Variants in OR4K14 observed in about 807,000 individuals in gnomAD.
OR4K14 encodes the protein olfactory receptor 4K14.
For synonymous variants in OR4K14, 153 were observed against 141.5 expected (o/e 1.08, Z -0.58); for missense variants, 406 against 373.6 (o/e 1.09, Z -0.72).
In OR4K14 at chr14:20,014,508, C is replaced by T. The variant is rs575064126; in HGVS notation, c.686G>A (p.Arg229His). The change falls in exon 2 of 2, where the codon CGT (arginine) becomes CAT (histidine). Residue 229 changes from arginine (R) to histidine (H), a missense_variant. Arg to His is a conservative substitution (Grantham distance 29, BLOSUM62 0). Coordinates refer to ENST00000641793, the MANE Select transcript of OR4K14 (RefSeq NM_001004712.2). ...YTVILLAIRQ[R>H]AAGSTSKALS... ...TGCTTTGGATGTGCTACCGGCAGCACGCTGTCTGATAGCGAGGAGGATCAC... is the reference window on the plus strand; with the variant it reads ...TGCTTTGGATGTGCTACCGGCAGCATGCTGTCTGATAGCGAGGAGGATCAC... 76 of 1,613,988 alleles carry T rather than the reference C, an allele frequency of 4.7e-5. No homozygotes were observed. The highest frequency in any genetic ancestry group is 9.9e-5 in the South Asian group (9 of 91,062).
chr14:20,015,111 A>G lies in OR4K14; in HGVS notation c.83T>C (p.Phe28Ser), dbSNP rs757101621. 6.2e-7 allele frequency: 1 copy of G among 1,613,950 alleles called. No homozygotes were observed. The highest frequency in any genetic ancestry group is 8.5e-7 in the Non-Finnish European group (1 of 1,179,884). The change falls in exon 2 of 2, where the codon TTT becomes TCT. Residue 28 changes from phenylalanine to serine, a missense_variant. Phe to Ser is a radical substitution (Grantham distance 155). Transcript: ENST00000641793. ...CACATAGACCCCAAAGAAAAATATA[A>G]AGAAAAAATTTTGAAGATGTCGTGA... is the stretch of plus-strand genomic sequence containing the variant. ...CTSRHLQNFF[F>S]IFFFGVYVAI...
rs139511484 is a variant in OR4K14 at position 20,018,742 on chromosome 14, T to C, written c.-30+401A>G. On this transcript the variant is annotated intron_variant, in intron 1 of 1. Transcript: ENST00000641793. ...GGTGATAGTTGTACAACTCTGTAAA[T>C]ACACTAAAAACCATTGAATTGAACA... Among the ~76,000 whole-genome samples, 11 of 152,072 alleles carry C rather than the reference T, an allele frequency of 7.2e-5. No homozygotes were observed. The East Asian group carries it at 1.9e-3, about 27-fold the overall frequency.
chr14:20,016,326 A>T (rs888589058), intron 1 of OR4K14, among the ~76,000 whole-genome samples: 1 of 151,508 alleles, frequency 6.6e-6, no homozygotes, highest in Non-Finnish European at 1.5e-5. Flanking sequence ...TTAAAGGAGA[A>T]AAATTACTTT....
At chr14:20,017,447 T>C (rs1877121084) in intron 1 of OR4K14, among the ~76,000 whole-genome samples, 1 of 152,040 alleles carries the variant, frequency 6.6e-6, no homozygotes, top group African/African-American at 2.4e-5. Flanking sequence ...TTATTTTTGC[T>C]CTTATCATTT....
intron 1 of OR4K14, 68 bp from the exon 2 acceptor site, chr14:20,015,290 C>G (rs1877074362): frequency 1.1e-5 from 8 of 709,026 alleles, no homozygotes; most frequent in South Asian, 1.0e-4. Flanking sequence ...GTGAAATAAG[C>G]CAGGCACAGA....
chr14:20,017,636 G>C (rs1188634898), intron 1 of OR4K14, among the ~76,000 whole-genome samples: 1 of 151,878 alleles, frequency 6.6e-6, no homozygotes, highest in Non-Finnish European at 1.5e-5. Context: ...ATAAACTGAT[G>C]GAGATAGTAT....
intron 1 of OR4K14, among the ~76,000 whole-genome samples, chr14:20,017,956 C>G (rs17276940): frequency 6.6e-6 from 1 of 151,914 alleles, no homozygotes; most frequent in African/African-American, 2.4e-5. Context: ...GAGTCTCACT[C>G]TCCTCACTGA....
At chr14:20,015,976 TC>T (rs143532403) in intron 1 of OR4K14, among the ~76,000 whole-genome samples, 2,391 of 149,890 alleles carry the variant, frequency 0.016, 63 homozygotes, top group African/African-American at 0.054. Flanking sequence ...GAACCAAAAT[TC>T]CTTAGGAGGA....
chr14:20,015,232 G>GA lies in OR4K14; in HGVS notation c.-29-11dup, dbSNP rs760570987. On this transcript the variant is annotated splice_polypyrimidine_tract_variant and intron_variant, in intron 1 of 1. Transcript: ENST00000641793. ...AGACTTTGTTTGTAATCTAAATAAA[G>GA]AAAAAAATCCTGTCATTTGCAGCAA... 27 of 1,355,708 alleles carry GA rather than the reference G, an allele frequency of 2.0e-5. No individual in the cohort carries two copies. The highest frequency in any genetic ancestry group is 2.8e-5 in the South Asian group (2 of 72,148). 84.0% of individuals were successfully genotyped at this position (1,355,708 alleles called of 1,614,324 possible). A position where few individuals can be genotyped will look rare whatever the true frequency, so the allele number is the denominator to read the frequency against.
intron 1 of OR4K14, among the ~76,000 whole-genome samples, chr14:20,017,947 A>G (rs749165046): frequency 6.6e-6 from 1 of 151,982 alleles, no homozygotes; most frequent in Non-Finnish European, 1.5e-5. Context: ...AATAAACTGG[A>G]GTCTCACTCT....
intron 1 of OR4K14, among the ~76,000 whole-genome samples, chr14:20,015,771 G>A (rs981523292): frequency 2.0e-5 from 3 of 152,054 alleles, no homozygotes; most frequent in Non-Finnish European, 4.4e-5. Context: ...TAACTTGCAA[G>A]TGATACTCTA....
intron 1 of OR4K14, among the ~76,000 whole-genome samples, chr14:20,016,664 A>G (rs1877106563): frequency 6.6e-6 from 1 of 152,100 alleles, no homozygotes; most frequent in Non-Finnish European, 1.5e-5. Context: ...CTGGATATGT[A>G]TAATTTGCAA....
intron 1 of OR4K14, among the ~76,000 whole-genome samples, chr14:20,015,619 C>T (rs1314374822): frequency 6.6e-6 from 1 of 151,810 alleles, no homozygotes; most frequent in Middle Eastern, 3.4e-3. Context: ...TCATGTTGTA[C>T]ATTATAAACA....
Position 20,014,803 on chromosome 14 carries a change from A to T in OR4K14, c.391T>A (p.Leu131Met). 6.2e-7 allele frequency: 1 copy of T among 1,614,158 alleles called. No homozygotes were observed. The highest frequency in any genetic ancestry group is 8.5e-7 in the Non-Finnish European group (1 of 1,180,014). ...YDRYVAICKP[L>M]HYMTLMSWQT... is the part of the protein sequence containing the mutation. ...CAACTCATCAAAGTCATGTAATGCA[A>T]GGGTTTGCATATGGCCACATATCTG... The change falls in exon 2 of 2, where the codon TTG (leucine) becomes ATG (methionine). Residue 131 changes from leucine to methionine, a missense_variant. Transcript: ENST00000641793.
At chr14:20,018,420 G>A (rs17210998) in intron 1 of OR4K14, among the ~76,000 whole-genome samples, 51,278 of 151,744 alleles carry the variant, frequency 0.34, 10,291 homozygotes, top group Non-Finnish European at 0.45. Context: ...AATCCCCAAC[G>A]GGTAGAAGGG....
At chr14:20,018,565 G>A (rs1557000) in intron 1 of OR4K14, among the ~76,000 whole-genome samples, 10,678 of 151,758 alleles carry the variant, frequency 0.07, 450 homozygotes, top group South Asian at 0.12. Flanking sequence ...GAAAAATTTC[G>A]CTTGTAAATC....
At position 20,014,954 on chromosome 14, in the gene OR4K14, G is replaced by C. The variant is rs766165190; in HGVS notation, c.240C>G (p.Pro80=). Residue 80 remains proline, a synonymous_variant, in exon 2 of 2, where the codon CCC becomes CCG. Coordinates refer to ENST00000641793, the MANE Select transcript of OR4K14 (RefSeq NM_001004712.2). Reference sequence around the variant, plus strand: ...CACTAAGGAAATCCCTGATCATCTTGGGAGTGGCAAATGAGGCCAGCCACA... The same window carrying C: ...CACTAAGGAAATCCCTGATCATCTTCGGAGTGGCAAATGAGGCCAGCCACA... ...LDMWLASFAT[P]KMIRDFLSDQ... is the part of the protein sequence containing the mutation. 1.6e-5 allele frequency: 26 copies of C among 1,614,080 alleles called. No homozygotes were observed. In the South Asian group the frequency reaches 2.6e-4, roughly 16 times the overall value.
chr14:20,017,385 G>A (rs1371561350), intron 1 of OR4K14, among the ~76,000 whole-genome samples: 2 of 151,880 alleles, frequency 1.3e-5, no homozygotes, highest in Non-Finnish European at 2.9e-5. Flanking sequence ...AATACAAGAA[G>A]AAATAAATCA....
intron 1 of OR4K14, among the ~76,000 whole-genome samples, chr14:20,018,388 G>T (rs1223124391): frequency 6.6e-6 from 1 of 151,876 alleles, no homozygotes; most frequent in African/African-American, 2.4e-5. Flanking sequence ...TCTTTAGTCT[G>T]AAATTTTAAG....
Sources: allele counts gnomAD v4.1 joint callset (sites outside exome capture counted in the v4.1 genomes callset), GRCh38; gene constraint gnomAD v4.1.1; transcripts MANE v1.5; gene names NCBI Gene and HGNC (gene_info 2026-07-23, HGNC 2026-07-21).